RPTOR: variants seen among roughly 807,000 people sequenced by gnomAD.
The protein encoded by RPTOR is regulatory associated protein of MTOR complex 1.
RPTOR carries 21 observed loss-of-function variants against 169.9 expected under a neutral mutation model. The observed-to-expected ratio is 0.12, with a 90% CI of 0.09 to 0.18. The LOEUF (loss-of-function observed/expected upper bound fraction) is 0.18, where lower values mean the gene tolerates loss of function less well. Ranked by LOEUF, RPTOR falls within the 10% of genes least tolerant of loss-of-function variation. RPTOR has a pLI of 1.00. For missense variants in RPTOR, 1,133 were observed against 1,855.9 expected, an observed-to-expected ratio of 0.61 and a Z score of 7.16; for synonymous variants, 732 against 753.2, an observed-to-expected ratio of 0.97 and a Z score of 0.46.
intron 3 of RPTOR, among the ~76,000 whole-genome samples, chr17:80,688,723 T>C (rs2065967756): frequency 6.6e-6 from 1 of 152,254 alleles, no homozygotes; most frequent in South Asian, 2.1e-4. Context: ...TGTTACTCTC[T>C]GCTCCATCCC....
chr17:80,635,766 C>T (rs1028331207), intron 2 of RPTOR, among the ~76,000 whole-genome samples: 2 of 152,064 alleles, frequency 1.3e-5, no homozygotes, highest in Non-Finnish European at 2.9e-5. Context: ...ATTGTCAAGG[C>T]TGAGGTGGTG....
At chr17:80,922,519 T>C (rs529334423) in intron 21 of RPTOR, among the ~76,000 whole-genome samples, 41 of 152,310 alleles carry the variant, frequency 2.7e-4, no homozygotes, top group Non-Finnish European at 5.0e-4. Flanking sequence ...AGTGGATGCA[T>C]GTCCAAGAGT....
chr17:80,822,314 C>T lies in RPTOR; in HGVS notation c.991+13C>T, dbSNP rs1034540081. The T allele has an allele frequency of 5.0e-6, 8 of 1,612,852 alleles. No individual in the cohort carries two copies. In the Admixed American group the frequency reaches 6.7e-5, roughly 13 times the overall value. ...GTGCTCCCCCGGGGTGAGGCGCGGG[C>T]CGGGCCTTGGGGAGGGAGGCTATGG... On this transcript the variant is annotated intron_variant, in intron 8 of 33. Transcript: ENST00000306801.
At chr17:80,849,600 A>T (rs756087804) in intron 11 of RPTOR, among the ~76,000 whole-genome samples, 10 of 152,060 alleles carry the variant, frequency 6.6e-5, no homozygotes, top group African/African-American at 2.2e-4. Context: ...GCTCACTGCA[A>T]CCTCTGCCTC....
At chr17:80,858,793 T>C (rs2067885064) in intron 13 of RPTOR, among the ~76,000 whole-genome samples, 1 of 152,184 alleles carries the variant, frequency 6.6e-6, no homozygotes, top group African/African-American at 2.4e-5. Flanking sequence ...CCACTCCCTG[T>C]GGCTGTGTGC....
chr17:80,956,495 G>A (rs2069250799), intron 28 of RPTOR, among the ~76,000 whole-genome samples: 1 of 152,264 alleles, frequency 6.6e-6, no homozygotes, highest in African/African-American at 2.4e-5. Flanking sequence ...GCTGTCTGAA[G>A]GCTGCCGGCC....
intron 2 of RPTOR, among the ~76,000 whole-genome samples, chr17:80,626,934 C>T (rs2065400309): frequency 6.6e-6 from 1 of 152,214 alleles, no homozygotes; most frequent in South Asian, 2.1e-4. Context: ...AACTCTGTCT[C>T]CATTACACAA....
chr17:80,612,183 A>G (rs1242397670), intron 1 of RPTOR, among the ~76,000 whole-genome samples: 1 of 152,230 alleles, frequency 6.6e-6, no homozygotes, highest in Non-Finnish European at 1.5e-5. Flanking sequence ...AGGCTAGAGT[A>G]CAATGGTATC....
intron 4 of RPTOR, among the ~76,000 whole-genome samples, chr17:80,727,859 TTTG>T (rs1179665522): frequency 1.3e-5 from 2 of 152,362 alleles, no homozygotes; most frequent in South Asian, 2.1e-4. Context: ...CTTTAAAATT[TTTG>T]TTAAGTACTT....
intron 24 of RPTOR, among the ~76,000 whole-genome samples, chr17:80,937,372 A>G (rs931991132): frequency 2.0e-5 from 3 of 152,170 alleles, no homozygotes; most frequent in African/African-American, 4.8e-5. Flanking sequence ...CCGGATAAGA[A>G]TTTATCCCAA....
At chr17:80,828,956 T>C (rs1465208050) in intron 9 of RPTOR, among the ~76,000 whole-genome samples, 1 of 152,238 alleles carries the variant, frequency 6.6e-6, no homozygotes, top group Non-Finnish European at 1.5e-5. Flanking sequence ...AGTTAATATC[T>C]ATGTTAAAAT....
intron 4 of RPTOR, among the ~76,000 whole-genome samples, chr17:80,714,007 C>T (rs1333000112): frequency 2.0e-5 from 3 of 152,010 alleles, no homozygotes; most frequent in Non-Finnish European, 2.9e-5. Flanking sequence ...GGCGTGATCT[C>T]GGCTCACTGC....
intron 7 of RPTOR, among the ~76,000 whole-genome samples, chr17:80,793,122 C>T (rs985756211): frequency 2.0e-5 from 3 of 152,166 alleles, no homozygotes; most frequent in African/African-American, 7.2e-5. Context: ...AGGCCAAAAT[C>T]GGAAACTTTT....
intron 1 of RPTOR, among the ~76,000 whole-genome samples, chr17:80,612,709 T>G (rs982190120): frequency 1.3e-5 from 2 of 152,078 alleles, no homozygotes; most frequent in African/African-American, 4.8e-5. Flanking sequence ...CTACAAAAAA[T>G]ACAAAAAAAC....
chr17:80,627,145 C>T (rs2143538211), intron 2 of RPTOR, among the ~76,000 whole-genome samples: 1 of 152,308 alleles, frequency 6.6e-6, no homozygotes. Context: ...CGCAGCCTCG[C>T]AATAACTGGA....
At chr17:80,826,336 C>T (rs2143631609) in intron 9 of RPTOR, among the ~76,000 whole-genome samples, 1 of 152,330 alleles carries the variant, frequency 6.6e-6, no homozygotes, top group South Asian at 2.1e-4. Context: ...AGCCCATTTG[C>T]AAGAAACATG....
intron 7 of RPTOR, among the ~76,000 whole-genome samples, chr17:80,791,918 C>T (rs921407119): frequency 2.6e-5 from 4 of 152,096 alleles, no homozygotes; most frequent in African/African-American, 7.2e-5. Context: ...CCCCCCCTGT[C>T]GCCATCCAGT....
intron 17 of RPTOR, among the ~76,000 whole-genome samples, chr17:80,890,209 C>G (rs747330256): frequency 2.0e-4 from 30 of 152,216 alleles, no homozygotes; most frequent in Admixed American, 4.6e-4. Flanking sequence ...AAGGGCCCAC[C>G]ACCTCGGTGC....
Position 80,961,418 on chromosome 17 carries a change from C to T in RPTOR, c.3630C>T (p.His1210=), listed in dbSNP as rs1187065959. ...SECRVMTYRE[H]TAWVVKASLQ... Reference sequence around the variant, plus strand: ...GCCGCGTCATGACGTACCGGGAGCACACAGCCTGGGTGGTGAAGGCCTCCC... The same window carrying T: ...GCCGCGTCATGACGTACCGGGAGCATACAGCCTGGGTGGTGAAGGCCTCCC... Residue 1210 remains histidine, a synonymous_variant, in exon 31 of 34, where the codon CAC becomes CAT. Transcript: ENST00000306801. 4.5e-6 allele frequency: 7 copies of T among 1,550,730 alleles called. No homozygotes were observed. The African/African-American group carries it at 8.2e-5, about 18-fold the overall frequency.
Sources: gnomAD v4.1 joint callset for allele counts (sites outside exome capture counted in the v4.1 genomes callset) on GRCh38, gnomAD v4.1.1 for gene constraint, MANE v1.5 for transcripts, NCBI Gene and HGNC (gene_info 2026-07-23, HGNC 2026-07-21) for gene names.